Variants in FAM135B observed in about 807,000 individuals in gnomAD.
The protein encoded by FAM135B is protein FAM135B.
Under a neutral mutation model 127.7 loss-of-function variants are expected in FAM135B, and 43 were observed. The observed-to-expected ratio is 0.34, with a 90% CI of 0.26 to 0.43. The LOEUF is 0.43. Among genes scored for constraint, FAM135B ranks in the 20% least tolerant of loss-of-function variants. The probability of loss-of-function intolerance (pLI) is 1.00; values close to 1 mark genes in which losing one functional copy is unlikely to be tolerated. For missense variants in FAM135B, 1,558 were observed against 1,725.6 expected, an observed-to-expected ratio of 0.90 and a Z score of 1.72; for synonymous variants, 670 against 665.1, an observed-to-expected ratio of 1.01 and a Z score of -0.11.
At chr8:138,397,187 G>A (rs1832899736) in intron 1 of FAM135B, among the ~76,000 whole-genome samples, 1 of 152,164 alleles carries the variant, frequency 6.6e-6, no homozygotes, top group Non-Finnish European at 1.5e-5. Flanking sequence ...CGTGACAGAC[G>A]AAATGTTTCA....
chr8:138,374,321 C>T (rs540734703), intron 1 of FAM135B, among the ~76,000 whole-genome samples: 2 of 152,294 alleles, frequency 1.3e-5, no homozygotes, highest in South Asian at 2.1e-4. Context: ...GAGGATGATA[C>T]AGAATGGTAA....
At chr8:138,476,814 T>C (rs1445280975) in intron 1 of FAM135B, among the ~76,000 whole-genome samples, 2 of 152,172 alleles carry the variant, frequency 1.3e-5, no homozygotes, top group Non-Finnish European at 2.9e-5. Context: ...GAAACAGATA[T>C]ATCACTTAAA....
chr8:138,442,248 A>G (rs1022083092), intron 1 of FAM135B, among the ~76,000 whole-genome samples: 1 of 110,300 alleles, frequency 9.1e-6, no homozygotes, highest in African/African-American at 3.3e-5. Flanking sequence ...ATATATATAT[A>G]TATATATATA....
At chr8:138,480,302 G>A (rs1314665509) in intron 1 of FAM135B, among the ~76,000 whole-genome samples, 2 of 152,180 alleles carry the variant, frequency 1.3e-5, no homozygotes, top group African/African-American at 2.4e-5. Context: ...TAGTAGCTCA[G>A]GGGAAACCTC....
At chr8:138,460,924 G>C (rs138053462) in intron 1 of FAM135B, among the ~76,000 whole-genome samples, 41 of 152,262 alleles carry the variant, frequency 2.7e-4, no homozygotes, top group African/African-American at 9.6e-4. Context: ...GACTGAGGTA[G>C]GGCTCAGACT....
intron 3 of FAM135B, among the ~76,000 whole-genome samples, chr8:138,284,333 G>A (rs957757115): frequency 6.6e-6 from 1 of 151,968 alleles, no homozygotes; most frequent in East Asian, 1.9e-4. Context: ...CTGCCCAGTG[G>A]CCTTCCTTCT....
rs2130763886 is a variant in FAM135B at position 138,152,294 on chromosome 8, G to A, written c.2181C>T (p.Ser727=). The change falls in exon 13 of 20, where the codon TCC becomes TCT. Residue 727 remains serine, a synonymous_variant. Transcript: ENST00000395297. ...FVRRHALHRN[S]LEGGHTESNT... The stretch of plus-strand genomic sequence containing the variant: ...TACTTTCTGTGTGTCCACCCTCTAG[G>A]GAGTTCCGGTGGAGGGCATGTCTTC... 1.2e-5 allele frequency: 19 copies of A among 1,614,080 alleles called. No individual in the cohort carries two copies. The highest frequency in any genetic ancestry group is 1.6e-5 in the Non-Finnish European group (19 of 1,180,042).
At chr8:138,421,919 T>C (rs1166849296) in intron 1 of FAM135B, among the ~76,000 whole-genome samples, 1 of 152,108 alleles carries the variant, frequency 6.6e-6, no homozygotes, top group Non-Finnish European at 1.5e-5. Flanking sequence ...CAGCATGGTA[T>C]GTGTACAAAA....
chr8:138,348,881 G>T (rs369227054), intron 2 of FAM135B, among the ~76,000 whole-genome samples: 58 of 152,350 alleles, frequency 3.8e-4, no homozygotes, highest in African/African-American at 1.3e-3. Context: ...GAGTGCCCAG[G>T]TTTGTCAACA....
chr8:138,379,607 G>C (rs1049793179), intron 1 of FAM135B, among the ~76,000 whole-genome samples: 4 of 152,062 alleles, frequency 2.6e-5, no homozygotes, highest in African/African-American at 9.7e-5. Flanking sequence ...CCAGGTACCA[G>C]GACTCCAAGC....
intron 1 of FAM135B, among the ~76,000 whole-genome samples, chr8:138,447,369 G>A (rs1235761354): frequency 6.6e-6 from 1 of 151,812 alleles, no homozygotes; most frequent in African/African-American, 2.4e-5. Flanking sequence ...TGTTTATTGC[G>A]GCACTATTCA....
intron 1 of FAM135B, among the ~76,000 whole-genome samples, chr8:138,478,159 C>T (rs1238677258): frequency 6.6e-6 from 1 of 152,084 alleles, no homozygotes; most frequent in African/African-American, 2.4e-5. Context: ...ACCCATCCCC[C>T]TGACACTCCC....
chr8:138,251,980 C>A (rs1821732451), intron 5 of FAM135B, among the ~76,000 whole-genome samples: 1 of 152,202 alleles, frequency 6.6e-6, no homozygotes, highest in South Asian at 2.1e-4. Flanking sequence ...ACACCATAGG[C>A]TTTGCTTCCT....
Position 138,444,063 on chromosome 8 carries a change from C to A in FAM135B, c.-20+52608G>T, listed in dbSNP as rs543556910. Reference sequence around the variant, plus strand: ...ATCAAAGAGACAAAGAAGGCCATTACATAATGGTAAAGGGATCAATTCAAC... The same window carrying A: ...ATCAAAGAGACAAAGAAGGCCATTAAATAATGGTAAAGGGATCAATTCAAC... On this transcript the variant is annotated intron_variant, in intron 1 of 19. Coordinates refer to ENST00000395297, the MANE Select transcript of FAM135B (RefSeq NM_015912.4). Among the ~76,000 whole-genome samples, 140 of 152,284 alleles carry A rather than the reference C, an allele frequency of 9.2e-4. 1 individual carries two copies. Among genetic ancestry groups the A allele is most frequent in the African/African-American group, 3.2e-3 (131 of 41,552 alleles).
intron 7 of FAM135B, among the ~76,000 whole-genome samples, chr8:138,204,494 A>G (rs1258719777): frequency 1.3e-5 from 2 of 152,230 alleles, no homozygotes; most frequent in Non-Finnish European, 2.9e-5. Context: ...TACACAGAGA[A>G]AGAGTGAATG....
chr8:138,258,375 T>TA (rs1210304697), intron 4 of FAM135B, among the ~76,000 whole-genome samples: 2 of 152,226 alleles, frequency 1.3e-5, no homozygotes, highest in Admixed American at 1.3e-4. Context: ...ATTTGTTATT[T>TA]AAAAAAAGCA....
chr8:138,197,555 T>C lies in FAM135B; in HGVS notation c.784A>G (p.Ile262Val), dbSNP rs1312269829. Residue 262 changes from isoleucine to valine, a missense_variant, in exon 8 of 20, where the codon ATC becomes GTC. Ile to Val is a conservative substitution (Grantham distance 29). Around this residue, in one of 5 missense-constraint regions of FAM135B, gnomAD observed 127 missense variants for 109.7 expected, o/e 1.16. Coordinates refer to ENST00000395297, the MANE Select transcript of FAM135B (RefSeq NM_015912.4). ...YRGLRLHFLV[I>V]MRDIPELPHT... The stretch of plus-strand genomic sequence containing the variant: ...GGCAGCTCTGGGATGTCCCGCATGA[T>C]CACCAGGAAGTGGAGACGGAGACCC... 6 of 1,614,066 alleles carry C rather than the reference T, an allele frequency of 3.7e-6. No individual in the cohort carries two copies.
intron 19 of FAM135B, among the ~76,000 whole-genome samples, chr8:138,136,601 CAATT>C (rs1816686282): frequency 2.0e-5 from 3 of 151,860 alleles, no homozygotes; most frequent in Admixed American, 2.0e-4. Flanking sequence ...TAAAAAAAAA[CAATT>C]AAACAAATTA....
chr8:138,409,983 C>G (rs1833766203), intron 1 of FAM135B, among the ~76,000 whole-genome samples: 1 of 151,692 alleles, frequency 6.6e-6, no homozygotes. Context: ...CAAAGTTCAG[C>G]TTCAGGGCCC....
Sources: gnomAD v4.1 joint callset for allele counts (sites outside exome capture counted in the v4.1 genomes callset) on GRCh38, gnomAD v4.1.1 for gene constraint, gnomAD v4.1.1 regional missense constraint, MANE v1.5 for transcripts, NCBI Gene and HGNC (gene_info 2026-07-23, HGNC 2026-07-21) for gene names.